The following SMARCC1 variants were observed in gnomAD, a reference collection of about 807,000 sequenced individuals.
SMARCC1 encodes the protein SWI/SNF related BAF chromatin remodeling complex subunit C1.
In SMARCC1, 43 loss-of-function variants were observed where a neutral mutation model predicts 147.4. The observed-to-expected ratio is 0.29, with a 90% CI of 0.23 to 0.38. The LOEUF (loss-of-function observed/expected upper bound fraction) is 0.38. Among genes scored for constraint, SMARCC1 ranks in the 10% least tolerant of loss-of-function variants. The pLI is 1.00. For synonymous variants in SMARCC1, 495 were observed against 484.4 expected (o/e 1.02, Z -0.29); for missense variants, 1,119 against 1,381.1 (o/e 0.81, Z 3.01).
chr3:47,626,586 C>T (rs2032814297), intron 24 of SMARCC1, among the ~76,000 whole-genome samples: 1 of 151,994 alleles, frequency 6.6e-6, no homozygotes, highest in Admixed American at 6.6e-5. Flanking sequence ...TTTTCCAATG[C>T]ATCTTTGGAA....
Position 47,660,424 on chromosome 3 carries a change from C to T in SMARCC1, c.2320+870G>A, listed in dbSNP as rs1472184919. 5.9e-5 allele frequency among the ~76,000 whole-genome samples: 7 copies of T among 119,644 alleles called. No individual in the cohort carries two copies. The South Asian group carries it at 8.1e-4, about 14-fold the overall frequency. The allele number at this position is 119,644 out of a possible 152,430, so 78.5% of individuals were successfully genotyped here. On this transcript the variant is annotated intron_variant, in intron 21 of 27. Coordinates refer to ENST00000254480, the MANE Select transcript of SMARCC1 (RefSeq NM_003074.4). ...TCGCGCCACTGCACTCCAGCCTGGG[C>T]GACAGAGCAAGACTCTGTCTAAAAA... is the stretch of plus-strand genomic sequence containing the variant.
At chr3:47,716,927 T>C (rs2034162424) in intron 7 of SMARCC1, among the ~76,000 whole-genome samples, 1 of 152,202 alleles carries the variant, frequency 6.6e-6, no homozygotes, top group African/African-American at 2.4e-5. Context: ...CTGGGCAACA[T>C]ATTTTTAAAA....
chr3:47,676,827 C>T, intron 16 of SMARCC1, 45 bp from the exon 17 acceptor site: 1 of 1,554,428 alleles, frequency 6.4e-7, no homozygotes, highest in South Asian at 1.1e-5. Flanking sequence ...GAATCAACTT[C>T]ATGTGCTTTT....
intron 26 of SMARCC1, among the ~76,000 whole-genome samples, chr3:47,608,870 A>AAAAT (rs2032521444): frequency 6.6e-6 from 1 of 151,232 alleles, no homozygotes; most frequent in East Asian, 1.9e-4. Flanking sequence ...AAAAAAAAAA[A>AAAAT]AAAAGTGTGA....
chr3:47,702,602 A>G (rs1482023182), intron 10 of SMARCC1, among the ~76,000 whole-genome samples: 1 of 152,118 alleles, frequency 6.6e-6, no homozygotes, highest in Non-Finnish European at 1.5e-5. Context: ...CCAAAAAACA[A>G]AAAATTTAAA....
In SMARCC1 at chr3:47,738,058, A is replaced by G. The variant is rs2034465476; in HGVS notation, c.454T>C (p.Phe152Leu). The change falls in exon 4 of 28, where the codon TTT (phenylalanine) becomes CTT (leucine). Residue 152 changes from phenylalanine (F) to leucine (L), a missense_variant. Physicochemically the swap from Phe to Leu is conservative, Grantham distance 22 (BLOSUM62 0). This residue lies in a region of SMARCC1 where 542 missense variants were observed against 611.8 expected (regional missense o/e 0.89). Coordinates refer to ENST00000254480, the MANE Select transcript of SMARCC1 (RefSeq NM_003074.4). ...ACCAATGTTTTTTCAATGTTCATAA[A>G]CATTTCCACATTACGATCCATTCGA... Reference protein sequence around the residue: ...PSRMDRNVEMFMNIEKTLVQN... With the variant: ...PSRMDRNVEMLMNIEKTLVQN... 1.9e-6 allele frequency: 3 copies of G among 1,601,782 alleles called. No individual in the cohort carries two copies. Among genetic ancestry groups the G allele is most frequent in the Non-Finnish European group, 2.6e-6 (3 of 1,175,034 alleles).
At chr3:47,645,502 G>T (rs746045470) in intron 21 of SMARCC1, among the ~76,000 whole-genome samples, 25 of 152,182 alleles carry the variant, frequency 1.6e-4, no homozygotes, top group Admixed American at 5.9e-4. Context: ...GTATCATTGT[G>T]CCACTGCCGT....
At chr3:47,693,855 G>A (rs1377098219) in intron 11 of SMARCC1, among the ~76,000 whole-genome samples, 5 of 152,116 alleles carry the variant, frequency 3.3e-5, no homozygotes, top group Non-Finnish European at 7.4e-5. Context: ...TAGAAACATG[G>A]TTTTGCCATG....
intron 2 of SMARCC1, among the ~76,000 whole-genome samples, chr3:47,767,272 T>C (rs2106869636): frequency 7.0e-6 from 1 of 142,812 alleles, no homozygotes; most frequent in South Asian, 2.3e-4. Context: ...GGAGTTTCGC[T>C]CTTGTTGCCC....
chr3:47,740,486 T>C (rs1157624236), intron 3 of SMARCC1, among the ~76,000 whole-genome samples: 1 of 151,554 alleles, frequency 6.6e-6, no homozygotes, highest in East Asian at 1.9e-4. Flanking sequence ...TGAGCCACTA[T>C]GCCTGGCCCA....
chr3:47,604,472 T>G, intron 26 of SMARCC1: 2 of 366,850 alleles, frequency 5.5e-6, no homozygotes, highest in East Asian at 1.5e-4. Flanking sequence ...TTTCTGGAAC[T>G]TAGGAATCAT....
At chr3:47,736,746 T>C (rs975982865) in intron 4 of SMARCC1, among the ~76,000 whole-genome samples, 5 of 151,858 alleles carry the variant, frequency 3.3e-5, no homozygotes, top group African/African-American at 1.2e-4. Context: ...AAAACATGTA[T>C]GTTAACTCCC....
chr3:47,656,422 C>T (rs1479641626), intron 21 of SMARCC1, among the ~76,000 whole-genome samples: 2 of 152,140 alleles, frequency 1.3e-5, no homozygotes, highest in Admixed American at 1.3e-4. Context: ...TGTTCTTCTA[C>T]AGATGAGATA....
chr3:47,722,861 G>C (rs1050744142), intron 6 of SMARCC1, among the ~76,000 whole-genome samples: 1 of 152,166 alleles, frequency 6.6e-6, no homozygotes, highest in Non-Finnish European at 1.5e-5. Flanking sequence ...ATAGTCAAGA[G>C]GTAGAAGACA....
chr3:47,630,015 C>G (rs1422721126), intron 24 of SMARCC1, among the ~76,000 whole-genome samples: 1 of 151,678 alleles, frequency 6.6e-6, no homozygotes, highest in Non-Finnish European at 1.5e-5. Context: ...GAGGCCCAAC[C>G]TTTCACATAT....
intron 5 of SMARCC1, among the ~76,000 whole-genome samples, chr3:47,731,104 G>A (rs996833449): frequency 6.6e-6 from 1 of 152,130 alleles, no homozygotes; most frequent in Non-Finnish European, 1.5e-5. Context: ...ACACACAGCA[G>A]AATTTCTTTC....
intron 1 of SMARCC1, among the ~76,000 whole-genome samples, chr3:47,778,742 C>T (rs2035008359): frequency 6.6e-6 from 1 of 152,136 alleles, no homozygotes; most frequent in Non-Finnish European, 1.5e-5. Context: ...CTTGTAAGCC[C>T]TGCACTTTGG....
intron 19 of SMARCC1, among the ~76,000 whole-genome samples, chr3:47,663,264 AAGGG>A (rs1163527880): frequency 6.9e-6 from 1 of 145,532 alleles, no homozygotes. Context: ...GGAAGGAAGG[AAGGG>A]CTTTTTTACT....
intron 2 of SMARCC1, among the ~76,000 whole-genome samples, chr3:47,761,264 T>C (rs532159016): frequency 5.3e-5 from 8 of 152,090 alleles, no homozygotes; most frequent in Admixed American, 1.3e-4. Flanking sequence ...ACCATACCAC[T>C]GTACTTTAGC....
Sources: gnomAD v4.1 joint callset for allele counts (sites outside exome capture counted in the v4.1 genomes callset) on GRCh38, gnomAD v4.1.1 for gene constraint, gnomAD v4.1.1 regional missense constraint, MANE v1.5 for transcripts, NCBI Gene and HGNC (gene_info 2026-07-23, HGNC 2026-07-21) for gene names.